Variants in LRRC7 observed in about 807,000 individuals in gnomAD.
LRRC7 encodes the protein leucine rich repeat containing 7.
LRRC7 carries 23 observed loss-of-function variants against 175.7 expected under a neutral mutation model. The ratio of observed to expected loss-of-function variants is 0.13; its 90% CI spans 0.09 to 0.19. The LOEUF (loss-of-function observed/expected upper bound fraction) is 0.19, where lower values mean the gene tolerates loss of function less well. Among genes scored for constraint, LRRC7 ranks in the 10% least tolerant of loss-of-function variants. The pLI, the probability that LRRC7 is intolerant of heterozygous loss-of-function variation, is 1.00. For missense variants in LRRC7, 1,354 were observed against 1,904.7 expected (o/e 0.71, Z 5.38); for synonymous variants, 685 against 680.9 (o/e 1.01, Z -0.09).
intron 26 of LRRC7, among the ~76,000 whole-genome samples, chr1:70,114,686 G>T (rs143422012): frequency 6.6e-6 from 1 of 152,118 alleles, no homozygotes; most frequent in African/African-American, 2.4e-5. Flanking sequence ...AGAACCCATC[G>T]TTAAACTGTC....
At chr1:70,068,538 G>A (rs1195567789) in intron 23 of LRRC7, among the ~76,000 whole-genome samples, 1 of 152,068 alleles carries the variant, frequency 6.6e-6, no homozygotes, top group Non-Finnish European at 1.5e-5. Flanking sequence ...CTATATTCAT[G>A]ATGGATATTG....
chr1:69,991,729 G>T (rs1654458862), intron 10 of LRRC7, among the ~76,000 whole-genome samples: 1 of 152,090 alleles, frequency 6.6e-6, no homozygotes, highest in Non-Finnish European at 1.5e-5. Flanking sequence ...TTAATAGAGG[G>T]ATATGGCAAC....
At chr1:69,761,065 A>G (rs1456655617) in intron 3 of LRRC7, among the ~76,000 whole-genome samples, 1 of 151,998 alleles carries the variant, frequency 6.6e-6, no homozygotes, top group African/African-American at 2.4e-5. Context: ...CTTAGTCCTT[A>G]TTGCAGAAAA....
Position 69,931,555 on chromosome 1 carries a change from T to C in LRRC7, c.696T>C (p.Asn232=), listed in dbSNP as rs1387378558. 1 of 1,613,716 alleles carries C rather than the reference T, an allele frequency of 6.2e-7. No individual in the cohort carries two copies. The highest frequency in any genetic ancestry group is 1.3e-5 in the African/African-American group (1 of 75,060). Reference sequence around the variant, plus strand: ...TGGAAAGACTTGACCTAGGCAATAATGAATTCGGTGAGCTGGTAAGCAAAT... The same window carrying C: ...TGGAAAGACTTGACCTAGGCAATAACGAATTCGGTGAGCTGGTAAGCAAAT... ...AQLERLDLGN[N]EFGELPEVLD... The change falls in exon 8 of 27, where the codon AAT becomes AAC. Residue 232 remains asparagine (N), a synonymous_variant. Transcript: ENST00000651989.
intron 1 of LRRC7, among the ~76,000 whole-genome samples, chr1:69,620,500 A>C (rs1040025806): frequency 6.6e-6 from 1 of 152,190 alleles, no homozygotes; most frequent in Non-Finnish European, 1.5e-5. Context: ...GTTTGGTCCC[A>C]AAATGACACA....
At chr1:69,617,926 A>G (rs935116185) in intron 1 of LRRC7, among the ~76,000 whole-genome samples, 10 of 152,136 alleles carry the variant, frequency 6.6e-5, no homozygotes, top group Non-Finnish European at 1.3e-4. Context: ...ATACATGATG[A>G]CAATAAACAG....
intron 2 of LRRC7, among the ~76,000 whole-genome samples, chr1:69,685,605 C>G (rs1386331147): frequency 1.3e-5 from 2 of 151,748 alleles, no homozygotes; most frequent in South Asian, 2.1e-4. Context: ...TTAATTGAAT[C>G]AATAGTAGAG....
chr1:69,985,028 G>A (rs763475914), intron 9 of LRRC7, among the ~76,000 whole-genome samples: 1 of 152,174 alleles, frequency 6.6e-6, no homozygotes, highest in Non-Finnish European at 1.5e-5. Flanking sequence ...TCCAGGTACA[G>A]GTTCTCTTCT....
rs549969511 is a variant in LRRC7 at position 69,680,835 on chromosome 1, G to A, written c.100+2357G>A. Among the ~76,000 whole-genome samples, 3 of 152,130 alleles carry A rather than the reference G, an allele frequency of 2.0e-5. No individual in the cohort carries two copies. In the South Asian group the frequency reaches 6.2e-4, roughly 32 times the overall value. On this transcript the variant is annotated intron_variant, in intron 2 of 26. Coordinates refer to ENST00000651989, the MANE Select transcript of LRRC7 (RefSeq NM_001370785.2). ...TTCAGTTTATTTATCTGAAGAAAAT[G>A]AGGACATGCTAGAGCCTACTTAATA... is the stretch of plus-strand genomic sequence containing the variant.
intron 7 of LRRC7, among the ~76,000 whole-genome samples, chr1:69,883,140 G>A (rs1371570892): frequency 6.6e-6 from 1 of 151,920 alleles, no homozygotes; most frequent in African/African-American, 2.4e-5. Flanking sequence ...GTAATGGGAT[G>A]GCTGGGTCAA....
chr1:69,920,745 AC>A (rs1226563623), intron 7 of LRRC7, among the ~76,000 whole-genome samples: 1 of 152,208 alleles, frequency 6.6e-6, no homozygotes, highest in Non-Finnish European at 1.5e-5. Flanking sequence ...CTAGAACTAT[AC>A]AGTCAAGTCA....
intron 20 of LRRC7, 22 bp from the exon 21 acceptor site, chr1:70,038,088 TTTC>T: frequency 6.4e-7 from 1 of 1,560,494 alleles, no homozygotes; most frequent in African/African-American, 1.4e-5. Flanking sequence ...TCCTTTTCAA[TTTC>T]TTCTTCCCAT....
At chr1:69,896,834 T>C (rs769100054) in intron 7 of LRRC7, among the ~76,000 whole-genome samples, 1 of 152,154 alleles carries the variant, frequency 6.6e-6, no homozygotes, top group Non-Finnish European at 1.5e-5. Flanking sequence ...AGATATTCCA[T>C]GGACCCTTAG....
intron 26 of LRRC7, among the ~76,000 whole-genome samples, chr1:70,119,873 T>C (rs989324627): frequency 6.6e-6 from 1 of 152,098 alleles, no homozygotes. Context: ...ACTATTATGG[T>C]TTGACAATCA....
chr1:69,862,794 C>G (rs1684499738), intron 7 of LRRC7, among the ~76,000 whole-genome samples: 1 of 152,026 alleles, frequency 6.6e-6, no homozygotes, highest in African/African-American at 2.4e-5. Flanking sequence ...TTGCTGCACC[C>G]ATCAACCCGT....
rs137952212 is a variant in LRRC7, at chr1:69,686,051, T to C, written c.100+7573T>C. Among the ~76,000 whole-genome samples, 176 of 152,200 alleles carry C rather than the reference T, an allele frequency of 1.2e-3. 3 individuals are homozygous for C. The East Asian group carries it at 0.033, about 29-fold the overall frequency. On this transcript the variant is annotated intron_variant, in intron 2 of 26. Coordinates refer to ENST00000651989, the MANE Select transcript of LRRC7 (RefSeq NM_001370785.2). The stretch of plus-strand genomic sequence containing the variant: ...ACATATAAAGAAGCATCAATTAAAA[T>C]GACAGTATATTTTCATCTGAAACCA...
At chr1:69,697,309 A>T (rs1226295922) in intron 2 of LRRC7, among the ~76,000 whole-genome samples, 1 of 152,204 alleles carries the variant, frequency 6.6e-6, no homozygotes, top group Non-Finnish European at 1.5e-5. Flanking sequence ...CTCCAAACAC[A>T]GCCTTTATTC....
intron 4 of LRRC7, among the ~76,000 whole-genome samples, chr1:69,800,649 G>A (rs1676365671): frequency 6.6e-6 from 1 of 151,844 alleles, no homozygotes; most frequent in Admixed American, 6.6e-5. Flanking sequence ...GGAGTCTTTA[G>A]GGTTTTCTAG....
rs1667063131 is a variant in LRRC7, at chr1:70,141,582, A to T, written c.*19695A>T. The T allele has an allele frequency of 6.6e-6, 1 of 152,130 alleles. No individual in the cohort carries two copies. Among genetic ancestry groups the T allele is most frequent in the Admixed American group, 6.6e-5 (1 of 15,258 alleles). The allele number at this position is 152,130 out of a possible 1,614,324, so 9.4% of individuals were successfully genotyped here. A position where few individuals can be genotyped will look rare whatever the true frequency, so the allele number is the denominator to read the frequency against. On this transcript the variant is annotated 3_prime_UTR_variant, in exon 27 of 27. Transcript: ENST00000651989. ...TCAATGAATTCAGGGGAATGAAAAT[A>T]CATGTTAGAAATTAAAATGTGGTTA...
Sources: gnomAD v4.1 joint callset for allele counts (sites outside exome capture counted in the v4.1 genomes callset) on GRCh38, gnomAD v4.1.1 for gene constraint, MANE v1.5 for transcripts, NCBI Gene and HGNC (gene_info 2026-07-23, HGNC 2026-07-21) for gene names.